Variants in PLCH1 observed in about 807,000 individuals in gnomAD.
The protein encoded by PLCH1 is phospholipase C eta 1, also known as 1-phosphatidylinositol 4,5-bisphosphate phosphodiesterase eta-1.
A neutral mutation model predicts 126.7 loss-of-function variants in PLCH1; 60 were observed. The ratio of observed to expected loss-of-function variants is 0.47; its 90% CI spans 0.38 to 0.59. PLCH1 has a LOEUF of 0.59. Ranked by LOEUF, PLCH1 falls within the 20% of genes least tolerant of loss-of-function variation. PLCH1 has a pLI of 0.00. For missense variants in PLCH1, 1,723 were observed against 2,040.0 expected, an observed-to-expected ratio of 0.84 and a Z score of 2.99; for synonymous variants, 719 against 734.9, an observed-to-expected ratio of 0.98 and a Z score of 0.35.
At chr3:155,564,140 T>C (rs1727999773) in intron 8 of PLCH1, among the ~76,000 whole-genome samples, 1 of 152,178 alleles carries the variant, frequency 6.6e-6, no homozygotes, top group Non-Finnish European at 1.5e-5. Context: ...AAAATGTTCA[T>C]CCCTTCTACT....
chr3:155,677,595 T>A (rs1744191350), intron 2 of PLCH1, among the ~76,000 whole-genome samples: 1 of 152,226 alleles, frequency 6.6e-6, no homozygotes, highest in Non-Finnish European at 1.5e-5. Flanking sequence ...TTACTTAAAT[T>A]CTCTGCTCCT....
chr3:155,474,274 A>G (rs1560034315), intron 21 of PLCH1, among the ~76,000 whole-genome samples: 1 of 148,692 alleles, frequency 6.7e-6, no homozygotes, highest in Non-Finnish European at 1.5e-5. Flanking sequence ...AAGGACATGA[A>G]CAGACACTTC....
At chr3:155,474,916 G>A (rs1157404249), downstream of PLCH1, among the ~76,000 whole-genome samples, 13 of 122,460 alleles carry the variant, frequency 1.1e-4, no homozygotes, top group East Asian at 2.0e-3. Flanking sequence ...ATCACACTCT[G>A]GGGACTGTGG....
At chr3:155,543,927 CA>C (rs1302618741) in intron 10 of PLCH1, among the ~76,000 whole-genome samples, 1 of 152,040 alleles carries the variant, frequency 6.6e-6, no homozygotes, top group Non-Finnish European at 1.5e-5. Context: ...CCAGCCACTG[CA>C]AAATCATGCC....
Position 155,553,710 on chromosome 3 carries a change from G to A in PLCH1, c.1190+366C>T, listed in dbSNP as rs148389726. ...ACATAAGGACTCCAGACACCTCAGT[G>A]TATAGATAAGACATCCATCATGATC... On this transcript the variant is annotated intron_variant, in intron 9 of 22. Transcript: ENST00000460012. Among the ~76,000 whole-genome samples, 21 of 152,282 alleles carry A rather than the reference G, an allele frequency of 1.4e-4. No individual in the cohort carries two copies. The East Asian group carries it at 3.7e-3, about 27-fold the overall frequency.
intron 2 of PLCH1, among the ~76,000 whole-genome samples, chr3:155,690,043 G>GAAAAAAAAAAAAAAA (rs1745255657): frequency 7.2e-6 from 1 of 138,770 alleles, no homozygotes. Flanking sequence ...AGAAAAAAAA[G>GAAAAAAAAAAAAAAA]AATAAAAAAA....
intron 2 of PLCH1, among the ~76,000 whole-genome samples, chr3:155,699,956 G>T (rs1746143858): frequency 6.6e-6 from 1 of 152,124 alleles, no homozygotes; most frequent in African/African-American, 2.4e-5. Flanking sequence ...ATGCCATCTT[G>T]CCAGCCTTTC....
intron 1 of PLCH1, among the ~76,000 whole-genome samples, chr3:155,734,211 G>A (rs1359452468): frequency 1.3e-5 from 2 of 151,918 alleles, no homozygotes; most frequent in Non-Finnish European, 2.9e-5. Context: ...GTAATCCCAA[G>A]ACTTCGGGAG....
chr3:155,482,166 G>A lies in PLCH1; in HGVS notation c.3860C>T (p.Ala1287Val), dbSNP rs765466881. Reference sequence around the variant, plus strand: ...GTTGCTTTCTAAGGCCGCTGTCTTGGCCTTACTAGAAAGGTCATCATCTGG... The same window carrying A: ...GTTGCTTTCTAAGGCCGCTGTCTTGACCTTACTAGAAAGGTCATCATCTGG... ...TKPDDDLSSK[A>V]KTAALESNLP... The change falls in exon 23 of 23, where the codon GCC becomes GTC. Residue 1287 changes from alanine (A) to valine (V), a missense_variant. Physicochemically the swap from Ala to Val is moderately conservative, Grantham distance 64. This residue lies in a region of PLCH1 where 947 missense variants were observed against 977.1 expected (regional missense o/e 0.97). Transcript: ENST00000460012. 6.2e-7 allele frequency: 1 copy of A among 1,614,056 alleles called. No individual in the cohort carries two copies. The highest frequency in any genetic ancestry group is 1.3e-5 in the African/African-American group (1 of 74,930).
intron 9 of PLCH1, among the ~76,000 whole-genome samples, chr3:155,552,182 A>T (rs1348169631): frequency 6.6e-6 from 1 of 152,276 alleles, no homozygotes; most frequent in Non-Finnish European, 1.5e-5. Flanking sequence ...CTAAAAAATT[A>T]ATTTTACACA....
intron 1 of PLCH1, among the ~76,000 whole-genome samples, chr3:155,719,561 T>C (rs976165567): frequency 1.4e-4 from 22 of 152,068 alleles, no homozygotes; most frequent in African/African-American, 4.8e-4. Context: ...ATCCAATATA[T>C]GATAATAAAA....
At position 155,565,202 on chromosome 3, in the gene PLCH1, A is replaced by T. The variant is rs1194914945; in HGVS notation, c.866-84T>A. On this transcript the variant is annotated intron_variant, in intron 7 of 22. Coordinates refer to ENST00000460012, the MANE Select transcript of PLCH1 (RefSeq NM_014996.4). ...TAAGAGGGGCAAAAGGGGTCAAAAA[A>T]TGTTCATAATGATTATCTTATTTAC... 4.4e-5 allele frequency: 35 copies of T among 792,666 alleles called. 1 individual carries two copies. In the Admixed American group the frequency reaches 7.8e-4, roughly 18 times the overall value. 49.1% of individuals were successfully genotyped at this position (792,666 alleles called of 1,614,324 possible). A position where few individuals can be genotyped will look rare whatever the true frequency, so the allele number is the denominator to read the frequency against.
At chr3:155,468,269 A>T (rs1193844072) in intron 21 of PLCH1, among the ~76,000 whole-genome samples, 3 of 152,224 alleles carry the variant, frequency 2.0e-5, no homozygotes, top group Admixed American at 6.5e-5. Context: ...CAAAAAAATA[A>T]AAAGCAAGAA....
At chr3:155,541,931 G>A (rs149061857) in intron 10 of PLCH1, among the ~76,000 whole-genome samples, 1,859 of 152,270 alleles carry the variant, frequency 0.012, 16 homozygotes, top group Non-Finnish European at 0.019. Flanking sequence ...GAACAGCTCC[G>A]GGTCTACAGC....
intron 2 of PLCH1, among the ~76,000 whole-genome samples, chr3:155,646,468 T>C (rs1264628893): frequency 1.3e-5 from 2 of 152,186 alleles, no homozygotes; most frequent in East Asian, 1.9e-4. Flanking sequence ...CTGCCGACCA[T>C]AATGTGCAAC....
At chr3:155,738,648 G>A (rs1336973020) in intron 1 of PLCH1, among the ~76,000 whole-genome samples, 2 of 151,970 alleles carry the variant, frequency 1.3e-5, no homozygotes, top group African/African-American at 2.4e-5. Context: ...TTAGTTGGGC[G>A]TGCTGGCGGG....
At chr3:155,523,400 G>A (rs913070869) in intron 11 of PLCH1, among the ~76,000 whole-genome samples, 3 of 152,156 alleles carry the variant, frequency 2.0e-5, no homozygotes, top group Non-Finnish European at 4.4e-5. Context: ...TTAGCCAAGA[G>A]GTCCATGTCT....
At chr3:155,709,445 C>G (rs1342650310) in intron 1 of PLCH1, among the ~76,000 whole-genome samples, 1 of 152,176 alleles carries the variant, frequency 6.6e-6, no homozygotes. Flanking sequence ...TCTTTGCCAG[C>G]ATTTGGTGTT....
At chr3:155,672,506 C>A (rs1224641289) in intron 2 of PLCH1, among the ~76,000 whole-genome samples, 4 of 152,106 alleles carry the variant, frequency 2.6e-5, no homozygotes, top group African/African-American at 9.7e-5. Context: ...TACATTTGGA[C>A]TGATTATGCA....
Sources: gnomAD v4.1 joint callset for allele counts (sites outside exome capture counted in the v4.1 genomes callset) on GRCh38, gnomAD v4.1.1 for gene constraint, gnomAD v4.1.1 regional missense constraint, MANE v1.5 for transcripts, NCBI Gene and HGNC (gene_info 2026-07-23, HGNC 2026-07-21) for gene names.